Variants in GLIS3 observed in about 807,000 individuals in gnomAD.
The protein encoded by GLIS3 is GLIS family zinc finger 3.
GLIS3 carries 53 observed loss-of-function variants against 78.6 expected under a neutral mutation model. That is an observed-to-expected ratio of 0.67 (90% confidence interval 0.54 to 0.85). The LOEUF (loss-of-function observed/expected upper bound fraction) is 0.85, where lower values mean the gene tolerates loss of function less well. Among genes scored for constraint, GLIS3 ranks in the 40% least tolerant of loss-of-function variants. The pLI is 0.00. For synonymous variants in GLIS3, 684 were observed against 509.9 expected, an observed-to-expected ratio of 1.34 and a Z score of -4.60; for missense variants, 1,703 against 1,231.1, an observed-to-expected ratio of 1.38 and a Z score of -5.74.
intron 1 of GLIS3, among the ~76,000 whole-genome samples, chr9:4,297,575 G>T (rs935362934): frequency 6.6e-6 from 1 of 152,210 alleles, no homozygotes; most frequent in African/African-American, 2.4e-5. Context: ...CTGCCGGCTC[G>T]GGGAGAGGGT....
intron 2 of GLIS3, among the ~76,000 whole-genome samples, chr9:4,213,907 G>A (rs1820585690): frequency 7.3e-6 from 1 of 137,514 alleles, no homozygotes; most frequent in Non-Finnish European, 1.5e-5. Context: ...AATAGGGAAG[G>A]CAGAAAATAA....
At chr9:4,226,967 T>C (rs964424405) in intron 2 of GLIS3, among the ~76,000 whole-genome samples, 1 of 152,154 alleles carries the variant, frequency 6.6e-6, no homozygotes, top group African/African-American at 2.4e-5. Context: ...ATCTCAGCCA[T>C]ATAGAGATAA....
chr9:3,996,267 G>GA (rs1188796661), intron 4 of GLIS3, among the ~76,000 whole-genome samples: 6 of 151,980 alleles, frequency 3.9e-5, no homozygotes, highest in Non-Finnish European at 7.4e-5. Context: ...TCAGAAAAAA[G>GA]AAAAAATATC....
intron 9 of GLIS3, among the ~76,000 whole-genome samples, chr9:3,854,501 A>T (rs534854126): frequency 6.6e-6 from 1 of 151,168 alleles, no homozygotes; most frequent in African/African-American, 2.4e-5. Flanking sequence ...TGCTGTTTTA[A>T]TATCACCTCG....
intron 4 of GLIS3, among the ~76,000 whole-genome samples, chr9:3,998,832 G>A (rs510687): frequency 1 from 150,109 of 150,182 alleles, 75,018 homozygotes; most frequent in Middle Eastern, 1. Context: ...TTCAAAAGTC[G>A]AAACTATTTA....
chr9:3,976,773 G>A (rs1360823619), intron 4 of GLIS3, among the ~76,000 whole-genome samples: 1 of 100,300 alleles, frequency 1.0e-5, no homozygotes, highest in Non-Finnish European at 1.8e-5. Flanking sequence ...CTATGGCATG[G>A]GAGACAGAAA....
chr9:4,022,264 A>G (rs538314986), intron 4 of GLIS3, among the ~76,000 whole-genome samples: 76 of 152,326 alleles, frequency 5.0e-4, no homozygotes, highest in Non-Finnish European at 8.7e-4. Flanking sequence ...GAAATGCTAC[A>G]GCTTACATCT....
intron 2 of GLIS3, among the ~76,000 whole-genome samples, chr9:4,139,226 G>C (rs1411769352): frequency 2.0e-5 from 3 of 152,178 alleles, no homozygotes; most frequent in Non-Finnish European, 4.4e-5. Context: ...CAAAAGCAGA[G>C]GCTGGGTGAG....
chr9:4,365,757 G>C, the GLIS3 span, among the ~76,000 whole-genome samples: 1 of 152,148 alleles, frequency 6.6e-6, no homozygotes, highest in South Asian at 2.1e-4. Flanking sequence ...GACTGCCAAA[G>C]TATTTCTTTT....
chr9:4,319,097 G>T (rs1817481967), intron 2 of GLIS3, among the ~76,000 whole-genome samples: 1 of 152,128 alleles, frequency 6.6e-6, no homozygotes. Context: ...CCATTCTAGG[G>T]TAAAGGAGAC....
At chr9:4,159,517 G>A (rs1370411353) in intron 2 of GLIS3, among the ~76,000 whole-genome samples, 5 of 152,112 alleles carry the variant, frequency 3.3e-5, no homozygotes, top group Non-Finnish European at 7.4e-5. Context: ...TGAGGAGTTT[G>A]AGACCAGCCT....
the GLIS3 span, among the ~76,000 whole-genome samples, chr9:4,450,724 C>G: frequency 6.6e-6 from 1 of 152,130 alleles, no homozygotes; most frequent in Non-Finnish European, 1.5e-5. Flanking sequence ...ATTTTCAACC[C>G]AGAATTTCAT....
chr9:3,926,246 TC>T (rs76777557), intron 6 of GLIS3, among the ~76,000 whole-genome samples: 1,587 of 147,238 alleles, frequency 0.011, 91 homozygotes, highest in Middle Eastern at 0.021. Context: ...TTTTTTTTTT[TC>T]TTTGACGGAG....
intron 8 of GLIS3, among the ~76,000 whole-genome samples, chr9:3,877,276 T>C (rs1204375428): frequency 2.0e-5 from 3 of 152,210 alleles, no homozygotes; most frequent in Non-Finnish European, 4.4e-5. Flanking sequence ...TTTATAGGAA[T>C]ATATCAGACA....
At chr9:3,833,830 A>C (rs1818189828) in intron 9 of GLIS3, among the ~76,000 whole-genome samples, 1 of 152,214 alleles carries the variant, frequency 6.6e-6, no homozygotes, top group Non-Finnish European at 1.5e-5. Flanking sequence ...ACTTGCAGAT[A>C]AATGTATTCC....
intron 4 of GLIS3, among the ~76,000 whole-genome samples, chr9:3,976,795 C>CAAAAA (rs540496174): frequency 7.6e-5 from 2 of 26,154 alleles, no homozygotes; most frequent in South Asian, 2.2e-3. Flanking sequence ...CCTCCCCCTG[C>CAAAAA]AAAAAAAAAA....
intron 2 of GLIS3, among the ~76,000 whole-genome samples, chr9:4,135,470 A>T (rs762771451): frequency 6.6e-6 from 1 of 152,178 alleles, no homozygotes; most frequent in Non-Finnish European, 1.5e-5. Context: ...TATATTCTTG[A>T]GAGAAGTCAT....
At chr9:4,135,813 G>A (rs1424052087) in intron 2 of GLIS3, among the ~76,000 whole-genome samples, 2 of 152,112 alleles carry the variant, frequency 1.3e-5, no homozygotes, top group East Asian at 3.9e-4. Flanking sequence ...ATCGATGAAG[G>A]TAAGCACAGG....
At chr9:4,314,240 G>T (rs1016565288) in intron 2 of GLIS3, among the ~76,000 whole-genome samples, 1 of 152,192 alleles carries the variant, frequency 6.6e-6, no homozygotes, top group Non-Finnish European at 1.5e-5. Flanking sequence ...ATGTGAGCTG[G>T]TGTTGTTTTT....
Sources: allele counts gnomAD v4.1 joint callset (sites outside exome capture counted in the v4.1 genomes callset), GRCh38; gene constraint gnomAD v4.1.1; transcripts MANE v1.5; gene names NCBI Gene and HGNC (gene_info 2026-07-23, HGNC 2026-07-21).